Variants in ATP1B4 observed in about 807,000 individuals in gnomAD.
ATP1B4 encodes the protein protein ATP1B4.
In ATP1B4, 32 loss-of-function variants were observed where a neutral mutation model predicts 29.6. The ratio of observed to expected loss-of-function variants is 1.08; its 90% confidence interval spans 0.82 to 1.45. ATP1B4 has a LOEUF of 1.45. ATP1B4 is among the 40% of genes most tolerant of loss of function. The pLI is 0.00. For synonymous variants in ATP1B4, 127 were observed against 102.1 expected, an observed-to-expected ratio of 1.24 and a Z score of -1.47; for missense variants, 323 against 276.2, an observed-to-expected ratio of 1.17 and a Z score of -1.20.
chrX:120,376,454 G>A lies in ATP1B4; in HGVS notation c.816+18G>A, dbSNP rs199995541. On this transcript the variant is annotated intron_variant, in intron 6 of 7. Coordinates refer to ENST00000218008, the MANE Select transcript of ATP1B4 (RefSeq NM_001142447.3). ...AAGTTCAGGTAAAGAGTCCTTTTGA[G>A]TAAGCATTGTTAGCACATCTGTTTC... 6 of 1,188,127 alleles carry A rather than the reference G, an allele frequency of 5.0e-6. No homozygotes were observed. Among genetic ancestry groups the A allele is most frequent in the Non-Finnish European group, 2.3e-6 (2 of 875,675 alleles).
chrX:120,375,378 A>G lies in ATP1B4; in HGVS notation c.569A>G (p.Asn190Ser), dbSNP rs1390828277. ...ISLNGFLQGYNDSLQEEMNVD... is the reference protein window; with the variant it reads ...ISLNGFLQGYSDSLQEEMNVD... ...CCACTCACACATGCTTTAGGTTATA[A>G]TGACAGTCTTCAAGAGGAAATGAAT... The change falls in exon 5 of 8, where the codon AAT (asparagine) becomes AGT (serine). Residue 190 changes from asparagine (N) to serine (S), a missense_variant. Asn to Ser is a conservative substitution (Grantham distance 46, BLOSUM62 1). Coordinates refer to ENST00000218008, the MANE Select transcript of ATP1B4 (RefSeq NM_001142447.3). 8.3e-7 allele frequency: 1 copy of G among 1,208,286 alleles called. No homozygotes were observed. Among genetic ancestry groups the G allele is most frequent in the Non-Finnish European group, 1.1e-6 (1 of 893,450 alleles).
chrX:120,364,221 C>T (rs902447986), intron 1 of ATP1B4, among the ~76,000 whole-genome samples: 5 of 111,592 alleles, frequency 4.5e-5, no homozygotes, highest in African/African-American at 1.6e-4. Context: ...GCATAGGTAA[C>T]ATGGAGAGAA....
chrX:120,375,440 G>A lies in ATP1B4; in HGVS notation c.631G>A (p.Gly211Ser), dbSNP rs771989277. ...CCCGGGGCAGTACTTCATCCAAGATGGCAATGAGGATGAGGACAAGAAGGC... is the reference window on the plus strand; with the variant it reads ...CCCGGGGCAGTACTTCATCCAAGATAGCAATGAGGATGAGGACAAGAAGGC... ...CPPGQYFIQD[G>S]NEDEDKKACQ... The change falls in exon 5 of 8, where the codon GGC becomes AGC. Residue 211 changes from glycine to serine, a missense_variant. Coordinates refer to ENST00000218008, the MANE Select transcript of ATP1B4 (RefSeq NM_001142447.3). 4.5e-5 allele frequency: 55 copies of A among 1,208,887 alleles called. No individual in the cohort carries two copies. In the South Asian group the frequency reaches 9.7e-4, roughly 21 times the overall value.
intron 4 of ATP1B4, among the ~76,000 whole-genome samples, chrX:120,374,780 TA>T (rs2058340698): frequency 1.6e-3 from 1 of 620 alleles, no homozygotes; most frequent in South Asian, 0.083. Flanking sequence ...ATATAATATA[TA>T]TATATTATAT....
rs760835373 is a variant in ATP1B4 at position 120,378,334 on chromosome X, G to C, written c.817-344G>C. On this transcript the variant is annotated intron_variant, in intron 6 of 7. Transcript: ENST00000218008. ...CTTTGGAGAAAGGCTGGAGTTGTAG[G>C]TCCTCTTTCCAGAGCAGCATCAGGT... Among the ~76,000 whole-genome samples, 9 of 111,844 alleles carry C rather than the reference G, an allele frequency of 8.0e-5. No individual in the cohort carries two copies. In the East Asian group the frequency reaches 2.3e-3, roughly 28 times the overall value.
Position 120,366,645 on chromosome X carries a change from G to A in ATP1B4, c.184G>A (p.Glu62Lys), listed in dbSNP as rs2058287851. 9.9e-6 allele frequency: 12 copies of A among 1,207,626 alleles called. No homozygotes were observed. The highest frequency in any genetic ancestry group is 1.8e-5 in the South Asian group (1 of 56,740). ...EEEEEEEEKEEEEEEEKEEEE... is the reference protein window; with the variant it reads ...EEEEEEEEKEKEEEEEKEEEE... ...GGAGGAAGAAGAGGAGGAGAAAGAA[G>A]AGGAGGAAGAGGAGGAAAAGGAGGA... Residue 62 changes from glutamate (E) to lysine (K), a missense_variant, in exon 2 of 8, where the codon GAG becomes AAG. Transcript: ENST00000218008.
At chrX:120,373,982 T>G (rs527325900) in intron 4 of ATP1B4, among the ~76,000 whole-genome samples, 2 of 109,216 alleles carry the variant, frequency 1.8e-5, no homozygotes, top group South Asian at 8.4e-4. Context: ...CTTCTCACTC[T>G]TACAATCAGG....
chrX:120,366,173 G>A (rs938511594), intron 1 of ATP1B4, among the ~76,000 whole-genome samples: 3 of 111,735 alleles, frequency 2.7e-5, no homozygotes, highest in Admixed American at 1.9e-4. Context: ...CTCTTCCTGT[G>A]TGAGCTCACC....
At chrX:120,369,771 A>G (rs911062967) in intron 2 of ATP1B4, among the ~76,000 whole-genome samples, 1 of 112,105 alleles carries the variant, frequency 8.9e-6, no homozygotes, top group African/African-American at 3.2e-5. Context: ...GATGACTGCC[A>G]TTTATGGTGC....
intron 1 of ATP1B4, among the ~76,000 whole-genome samples, chrX:120,363,171 A>G (rs1247511791): frequency 8.9e-6 from 1 of 112,083 alleles, no homozygotes; most frequent in East Asian, 2.8e-4. Context: ...TTCTTTGGGT[A>G]TGGCCACTTA....
chrX:120,372,427 G>T (rs1357020108), intron 4 of ATP1B4, among the ~76,000 whole-genome samples: 2 of 112,118 alleles, frequency 1.8e-5, no homozygotes, highest in African/African-American at 6.5e-5. Context: ...CTTTAACTCT[G>T]CATAATAAAG....
chrX:120,362,504 C>A (rs1602499104), intron 1 of ATP1B4, among the ~76,000 whole-genome samples: 1 of 111,768 alleles, frequency 8.9e-6, no homozygotes, highest in East Asian at 2.8e-4. Flanking sequence ...CTTCTAAAAT[C>A]TTTTCCTGGG....
chrX:120,376,457 A>G, intron 6 of ATP1B4, 21 bp downstream of exon 6: 1 of 1,173,931 alleles, frequency 8.5e-7, no homozygotes. Context: ...CTTTTGAGTA[A>G]GCATTGTTAG....
At position 120,376,241 on chromosome X, in the gene ATP1B4, G is replaced by A. The variant is rs958111531; in HGVS notation, c.760-139G>A. 3 of 536,190 alleles carry A rather than the reference G, an allele frequency of 5.6e-6. No homozygotes were observed. The African/African-American group carries it at 7.1e-5, about 13-fold the overall frequency. The allele number at this position is 536,190 out of a possible 1,213,427, so 44.2% of individuals were successfully genotyped here. ...AGATGTTTTTCATTTTTTGCTTTTT[G>A]TAACATTTCTGAGAAGGCGAAATAG... is the stretch of plus-strand genomic sequence containing the variant. On this transcript the variant is annotated intron_variant, in intron 5 of 7. Transcript: ENST00000218008.
At chrX:120,375,862 G>A (rs1457600511) in intron 5 of ATP1B4, among the ~76,000 whole-genome samples, 5 of 110,422 alleles carry the variant, frequency 4.5e-5, no homozygotes, top group Non-Finnish European at 9.4e-5. Flanking sequence ...AAGCTACTCG[G>A]GAGGCTGAGG....
At chrX:120,365,416 C>G (rs1047138322) in intron 1 of ATP1B4, among the ~76,000 whole-genome samples, 1 of 112,135 alleles carries the variant, frequency 8.9e-6, no homozygotes, top group Non-Finnish European at 1.9e-5. Context: ...CCTCCTCCCC[C>G]CAACAAAGGC....
intron 2 of ATP1B4, among the ~76,000 whole-genome samples, chrX:120,369,838 GAAGT>G: frequency 8.9e-6 from 1 of 112,389 alleles, no homozygotes; most frequent in East Asian, 2.8e-4. Flanking sequence ...TCAATGCTAA[GAAGT>G]AAGTACCACT....
chrX:120,378,845 A>G, intron 7 of ATP1B4, 72 bp downstream of exon 7: 1 of 973,037 alleles, frequency 1.0e-6, no homozygotes, highest in Non-Finnish European at 1.5e-6. Flanking sequence ...GCTGGGATCT[A>G]TGAGAATTAG....
chrX:120,362,194 G>A lies in ATP1B4; in HGVS notation c.26G>A (p.Arg9Lys). 6.6e-6 allele frequency: 8 copies of A among 1,211,524 alleles called. No homozygotes were observed. The highest frequency in any genetic ancestry group is 8.9e-6 in the Non-Finnish European group (8 of 895,333). ...ATGAGAAGGCAACTCCGGTCCAGAA[G>A]GGCTCCATCCTTTCCTTACAGTTAT... The part of the protein sequence containing the change: MRRQLRSR[R>K]APSFPYSYRY... The change falls in exon 1 of 8, where the codon AGG becomes AAG. Residue 9 changes from arginine to lysine, a missense_variant. By Grantham distance (26) the Arg-to-Lys change is conservative (BLOSUM62 2). Transcript: ENST00000218008.
Sources: allele counts gnomAD v4.1 joint callset (sites outside exome capture counted in the v4.1 genomes callset), GRCh38; gene constraint gnomAD v4.1.1; transcripts MANE v1.5; gene names NCBI Gene and HGNC (gene_info 2026-07-23, HGNC 2026-07-21).